The following PLTP variants were observed in gnomAD, a reference collection of about 807,000 sequenced individuals.
PLTP encodes the protein phospholipid transfer protein.
A neutral mutation model predicts 54.1 loss-of-function variants in PLTP; 43 were observed. The observed-to-expected ratio is 0.79, with a 90% CI of 0.62 to 1.02. PLTP has a LOEUF of 1.02. Ranked by LOEUF, PLTP falls within the 50% of genes least tolerant of loss-of-function variation. The pLI is 0.00. For missense variants in PLTP, 604 were observed against 645.9 expected, an observed-to-expected ratio of 0.94 and a Z score of 0.70; for synonymous variants, 263 against 264.6, an observed-to-expected ratio of 0.99 and a Z score of 0.06.
At position 45,909,646 on chromosome 20, in the gene PLTP, A is replaced by C. The variant is rs751031120; in HGVS notation, c.355T>G (p.Ser119Ala). 8.4e-5 allele frequency: 136 copies of C among 1,614,060 alleles called. No individual in the cohort carries two copies. Among genetic ancestry groups the C allele is most frequent in the Non-Finnish European group, 1.1e-4 (133 of 1,180,038 alleles). The stretch of plus-strand genomic sequence containing the variant: ...GTGCGGATGGACACACCCTCAGCTG[A>C]GGCGTTGATGTAGCCCCCATCATAG... ...FFYDGGYINA[S>A]AEGVSIRTGL... The change falls in exon 5 of 16, where the codon TCA (serine) becomes GCA (alanine). Residue 119 changes from serine to alanine, a missense_variant. Coordinates refer to ENST00000372431, the MANE Select transcript of PLTP (RefSeq NM_006227.4).
chr20:45,910,572 G>T (rs1322457564), intron 3 of PLTP, among the ~76,000 whole-genome samples: 1 of 148,854 alleles, frequency 6.7e-6, no homozygotes, highest in Non-Finnish European at 1.5e-5. Flanking sequence ...CCAAGATCGC[G>T]CCACTGCACT....
intron 13 of PLTP, 51 bp downstream of exon 13, chr20:45,899,784 AG>A: frequency 6.3e-7 from 1 of 1,579,774 alleles, no homozygotes; most frequent in Non-Finnish European, 8.6e-7. Flanking sequence ...GGGGATGGTG[AG>A]GGTCAGGATC....
rs369824142 is a variant in PLTP, at chr20:45,911,181, T to C, written c.171A>G (p.Lys57=). 41 of 1,614,008 alleles carry C rather than the reference T, an allele frequency of 2.5e-5. No individual in the cohort carries two copies. The highest frequency in any genetic ancestry group is 3.4e-5 in the Non-Finnish European group (40 of 1,180,006). ...ETITIPDLRG[K]EGHFYYNISE... is the part of the protein sequence containing the mutation. ...AGATGTTGTAGTAGAAGTGGCCTTCTTTGCCCCGCAGGTCCGGAATGGTGA... is the reference window on the plus strand; with the variant it reads ...AGATGTTGTAGTAGAAGTGGCCTTCCTTGCCCCGCAGGTCCGGAATGGTGA... Residue 57 remains lysine, a synonymous_variant, in exon 3 of 16, where the codon AAA becomes AAG. Coordinates refer to ENST00000372431, the MANE Select transcript of PLTP (RefSeq NM_006227.4).
Position 45,898,671 on chromosome 20 carries a change from C to T in PLTP, c.*270G>A. 1.5e-6 allele frequency: 1 copy of T among 671,402 alleles called. No individual in the cohort carries two copies. Among genetic ancestry groups the T allele is most frequent in the Non-Finnish European group, 2.6e-6 (1 of 382,832 alleles). The allele number at this position is 671,402 out of a possible 1,614,324, so 41.6% of individuals were successfully genotyped here. A position where few individuals can be genotyped will look rare whatever the true frequency, so the allele number is the denominator to read the frequency against. ...CCGCAGCAGTTCCTGAATGGGGTGGCCTGGCCCCTTCTCTGCTTAAAGAAT... is the reference window on the plus strand; with the variant it reads ...CCGCAGCAGTTCCTGAATGGGGTGGTCTGGCCCCTTCTCTGCTTAAAGAAT... On this transcript the variant is annotated 3_prime_UTR_variant, in exon 16 of 16. Coordinates refer to ENST00000372431, the MANE Select transcript of PLTP (RefSeq NM_006227.4). The surrounding 1 kb of genome is among the most constrained non-coding windows in gnomAD (Gnocchi z 4.6).
chr20:45,902,432 AC>A lies in PLTP; in HGVS notation c.1107+7del, dbSNP rs1427364136. On this transcript the variant is annotated splice_region_variant and intron_variant, in intron 11 of 15. Coordinates refer to ENST00000372431, the MANE Select transcript of PLTP (RefSeq NM_006227.4). Reference sequence around the variant, plus strand: ...CCCAGCCAGCAGCCCCCACTCTGGGACCCGTACCATAGTCATGCTGGACAGC... The same window carrying A: ...CCCAGCCAGCAGCCCCCACTCTGGGACCGTACCATAGTCATGCTGGACAGC... The A allele has an allele frequency of 1.9e-6, 3 of 1,614,192 alleles. No homozygotes were observed. Among genetic ancestry groups the A allele is most frequent in the Non-Finnish European group, 2.5e-6 (3 of 1,180,022 alleles).
At position 45,899,861 on chromosome 20, in the gene PLTP, T is replaced by C; in HGVS notation, c.1193A>G (p.Asn398Ser). ...LDLRRFRIYS[N>S]HSALESLALI... ...AGCCAGCGACTCCAGTGCAGAATGG[T>C]TGGAATAGATTCGGAACCTGCGGGA... Residue 398 changes from asparagine to serine, a missense_variant, in exon 13 of 16, where the codon AAC (asparagine) becomes AGC (serine). Coordinates refer to ENST00000372431, the MANE Select transcript of PLTP (RefSeq NM_006227.4). The C allele has an allele frequency of 7.1e-7, 1 of 1,403,334 alleles. No homozygotes were observed. The highest frequency in any genetic ancestry group is 9.4e-7 in the Non-Finnish European group (1 of 1,068,182). 86.9% of individuals were successfully genotyped at this position (1,403,334 alleles called of 1,614,324 possible). A position where few individuals can be genotyped will look rare whatever the true frequency, so the allele number is the denominator to read the frequency against.
chr20:45,905,141 A>G, intron 8 of PLTP, 23 bp from the exon 9 acceptor site: 2 of 1,611,062 alleles, frequency 1.2e-6, no homozygotes, highest in Non-Finnish European at 1.7e-6. Flanking sequence ...ATTCACAGTC[A>G]GGGTCAAGGC....
At chr20:45,907,600 C>T (rs1952308183) in intron 7 of PLTP, 92 bp downstream of exon 7, 1 of 1,231,070 alleles carries the variant, frequency 8.1e-7, no homozygotes. Context: ...CACATTTGAA[C>T]CCAGGACTGT....
At chr20:45,906,226 T>C (rs1281843901) in intron 8 of PLTP, 42 bp downstream of exon 8, 2 of 1,359,584 alleles carry the variant, frequency 1.5e-6, no homozygotes, top group Non-Finnish European at 2.1e-6. Flanking sequence ...AAAGAGGTCT[T>C]GTTAGGAAGT....
chr20:45,911,512 T>C (rs765403903), intron 1 of PLTP, 49 bp from the exon 2 acceptor site: 2 of 1,597,090 alleles, frequency 1.3e-6, no homozygotes, highest in Non-Finnish European at 8.5e-7. Context: ...CTTAAACCCA[T>C]TCCTTGGACG....
rs1242599641 is a variant in PLTP, at chr20:45,899,642, C to A, written c.1262G>T (p.Gly421Val). 1.9e-6 allele frequency: 3 copies of A among 1,613,962 alleles called. No individual in the cohort carries two copies. In the Admixed American group the frequency reaches 5.0e-5, roughly 27 times the overall value. The change falls in exon 14 of 16, where the codon GGG becomes GTG. Residue 421 changes from glycine to valine, a missense_variant. By Grantham distance (109) the Gly-to-Val change is moderately radical. Transcript: ENST00000372431. ...QAPLKTMLQI[G>V]VMPMLNERTW... ...CTTACCATTGAGCATGGGCATCACC[C>A]CAATCTGCAGCATGGTCTTCAGAGG...
At chr20:45,905,490 C>T (rs568237482) in intron 8 of PLTP, among the ~76,000 whole-genome samples, 7 of 152,230 alleles carry the variant, frequency 4.6e-5, no homozygotes, top group African/African-American at 7.2e-5. Flanking sequence ...TGCATAACAA[C>T]GTGTGTTTTC....
chr20:45,899,046 C>A lies in PLTP; in HGVS notation c.1377G>T (p.Gly459=). The change falls in exon 16 of 16, where the codon GGG becomes GGT. Residue 459 remains glycine, a synonymous_variant. Coordinates refer to ENST00000372431, the MANE Select transcript of PLTP (RefSeq NM_006227.4). ...GCCCTTTGGCAAAGTGGAGATCAGC[C>A]CCGATGGTGAGGAATCCCTGTGTTG... ...VTNHAGFLTI[G]ADLHFAKGLR... The A allele has an allele frequency of 3.1e-6, 5 of 1,614,142 alleles. No homozygotes were observed. Among genetic ancestry groups the A allele is most frequent in the Non-Finnish European group, 4.2e-6 (5 of 1,180,016 alleles).
At chr20:45,901,219 A>G (rs1288387227) in intron 12 of PLTP, among the ~76,000 whole-genome samples, 1 of 152,226 alleles carries the variant, frequency 6.6e-6, no homozygotes, top group Non-Finnish European at 1.5e-5. Context: ...ACATGTGGCT[A>G]GTATCTACCA....
At chr20:45,899,812 G>GGGC in intron 13 of PLTP, 24 bp downstream of exon 13, 8 of 309,312 alleles carry the variant, frequency 2.6e-5, no homozygotes, top group Non-Finnish European at 4.3e-5. Context: ...ACCCAGCCCA[G>GGGC]CCCACCCACC....
chr20:45,901,979 G>A (rs1340390259), intron 12 of PLTP, among the ~76,000 whole-genome samples: 1 of 152,080 alleles, frequency 6.6e-6, no homozygotes, highest in Non-Finnish European at 1.5e-5. Flanking sequence ...TTGTGCTGAG[G>A]TTTTTGTCAA....
chr20:45,900,523 C>CT (rs1019136340), intron 12 of PLTP, among the ~76,000 whole-genome samples: 13 of 151,798 alleles, frequency 8.6e-5, no homozygotes, highest in African/African-American at 2.7e-4. Flanking sequence ...TATTTATTTT[C>CT]TTTTTTTATT....
At chr20:45,899,787 GTCAGGATC>G (rs779676867) in intron 13 of PLTP, 41 bp downstream of exon 13, 1 of 1,573,042 alleles carries the variant, frequency 6.4e-7, no homozygotes, top group African/African-American at 1.3e-5. Flanking sequence ...GATGGTGAGG[GTCAGGATC>G]TCACGAACCC....
intron 7 of PLTP, 22 bp from the exon 8 acceptor site, chr20:45,906,381 ACT>A (rs757376300): frequency 1.3e-6 from 2 of 1,593,938 alleles, no homozygotes; most frequent in Non-Finnish European, 1.7e-6. Context: ...GGCTCAAGTC[ACT>A]CACGGCTGTG....
Sources: allele counts gnomAD v4.1 joint callset (sites outside exome capture counted in the v4.1 genomes callset), GRCh38; gene constraint gnomAD v4.1.1; non-coding constraint Gnocchi (gnomAD v3.1); transcripts MANE v1.5; gene names NCBI Gene and HGNC (gene_info 2026-07-23, HGNC 2026-07-21).